DYRK4: variants seen among roughly 807,000 people sequenced by gnomAD.
The protein encoded by DYRK4 is dual specificity tyrosine phosphorylation regulated kinase 4.
Under a neutral mutation model 68.3 loss-of-function variants are expected in DYRK4, and 64 were observed. That is an observed-to-expected ratio of 0.94 (90% CI 0.77 to 1.15). The LOEUF is 1.15. Ranked by LOEUF, DYRK4 falls within the 50% of genes most tolerant of loss-of-function variation. The pLI is 0.00. For missense variants in DYRK4, 740 were observed against 764.7 expected, an observed-to-expected ratio of 0.97 and a Z score of 0.38; for synonymous variants, 274 against 289.9, an observed-to-expected ratio of 0.95 and a Z score of 0.56.
At chr12:4,605,477 C>A (rs926644561) in intron 11 of DYRK4, among the ~76,000 whole-genome samples, 1 of 151,904 alleles carries the variant, frequency 6.6e-6, no homozygotes, top group Non-Finnish European at 1.5e-5. Flanking sequence ...TTCTTTTTTC[C>A]CTTTTGTTTC....
intron 10 of DYRK4, among the ~76,000 whole-genome samples, chr12:4,600,567 G>C (rs1397727272): frequency 6.7e-6 from 1 of 149,230 alleles, no homozygotes; most frequent in Non-Finnish European, 1.5e-5. Context: ...GGCTGAAGAC[G>C]GGACTACTAG....
chr12:4,570,997 C>T (rs1278449567), intron 2 of DYRK4, among the ~76,000 whole-genome samples: 1 of 152,154 alleles, frequency 6.6e-6, no homozygotes, highest in African/African-American at 2.4e-5. Flanking sequence ...TCGTAACTGC[C>T]GGCAGGGGAA....
At position 4,576,660 on chromosome 12, in the gene DYRK4, C is replaced by T. The variant is rs1944792587; in HGVS notation, c.132+8612C>T. 2.0e-5 allele frequency among the ~76,000 whole-genome samples: 3 copies of T among 152,236 alleles called. No homozygotes were observed. In the South Asian group the frequency reaches 6.2e-4, roughly 31 times the overall value. ...ATGAATAAGAATTCTTGTTATGCCA[C>T]CTCCTTGCCAGCATTTGGTGTTGTC... On this transcript the variant is annotated intron_variant, in intron 2 of 14. Transcript: ENST00000543431.
chr12:4,613,849 C>A lies in DYRK4; in HGVS notation c.*96C>A. 1 of 1,350,038 alleles carries A rather than the reference C, an allele frequency of 7.4e-7. No individual in the cohort carries two copies. Among genetic ancestry groups the A allele is most frequent in the Non-Finnish European group, 9.7e-7 (1 of 1,035,960 alleles). The allele number at this position is 1,350,038 out of a possible 1,614,324, so 83.6% of individuals were successfully genotyped here. Reference sequence around the variant, plus strand: ...TACTTCAGACTGTTTTTTTTAAATACATAAAACTTTATGTTAAAAAACTCT... The same window carrying A: ...TACTTCAGACTGTTTTTTTTAAATAAATAAAACTTTATGTTAAAAAACTCT... On this transcript the variant is annotated 3_prime_UTR_variant, in exon 15 of 15. Transcript: ENST00000543431. The surrounding 1 kb of genome is among the most constrained non-coding windows in gnomAD (Gnocchi z 4.0).
In DYRK4 at chr12:4,568,034, T is replaced by C; in HGVS notation, c.118T>C (p.Phe40Leu). 1 of 1,536,126 alleles carries C rather than the reference T, an allele frequency of 6.5e-7. No homozygotes were observed. Among genetic ancestry groups the C allele is most frequent in the Non-Finnish European group, 8.7e-7 (1 of 1,146,892 alleles). Residue 40 changes from phenylalanine (F) to leucine (L), a missense_variant, in exon 2 of 15, where the codon TTC becomes CTC. Around this residue, in one of 3 missense-constraint regions of DYRK4, gnomAD observed 70 missense variants for 71.1 expected, o/e 0.98. Coordinates refer to ENST00000543431, the MANE Select transcript of DYRK4 (RefSeq NM_001394779.1). The stretch of plus-strand genomic sequence containing the variant: ...TTTGAAAGCAAGAAAGAAACAAAAG[T>C]TCACCTCTGCGAAGGTAAAGATCCT... ...LVLKARKKQK[F>L]TSAKVGSKLS...
chr12:4,580,797 ATTT>A, intron 2 of DYRK4: 2 of 423,570 alleles, frequency 4.7e-6, no homozygotes, highest in Admixed American at 2.6e-5. Context: ...GCACTTAGGG[ATTT>A]TTTTTTTTTT....
intron 1 of DYRK4, among the ~76,000 whole-genome samples, chr12:4,567,572 G>A (rs1360803638): frequency 6.6e-6 from 1 of 152,170 alleles, no homozygotes; most frequent in Non-Finnish European, 1.5e-5. Flanking sequence ...TCTACCAATT[G>A]TTCCCCTTTT....
intron 13 of DYRK4, 87 bp from the exon 14 acceptor site, chr12:4,612,456 T>TA (rs1297788680): frequency 2.2e-6 from 3 of 1,391,020 alleles, no homozygotes; most frequent in Non-Finnish European, 2.9e-6. Context: ...ATAGCTTAAA[T>TA]AAAAATCTTT....
intron 8 of DYRK4, among the ~76,000 whole-genome samples, chr12:4,597,420 T>C (rs1333219700): frequency 1.3e-5 from 2 of 152,236 alleles, no homozygotes; most frequent in Admixed American, 6.5e-5. Flanking sequence ...TTGCTGACGA[T>C]GAAATTCTAG....
At chr12:4,585,845 TAAAG>T (rs1457338847) in intron 2 of DYRK4, among the ~76,000 whole-genome samples, 1 of 152,220 alleles carries the variant, frequency 6.6e-6, no homozygotes, top group East Asian at 1.9e-4. Context: ...GTTTGGAAGA[TAAAG>T]AAACTTCATA....
intron 4 of DYRK4, chr12:4,590,812 C>T: frequency 2.4e-6 from 1 of 409,548 alleles, no homozygotes. Flanking sequence ...GTCACACACA[C>T]ATAAGTCCAT....
chr12:4,595,526 T>G (rs1945007408), intron 6 of DYRK4, among the ~76,000 whole-genome samples: 1 of 152,160 alleles, frequency 6.6e-6, no homozygotes, highest in Non-Finnish European at 1.5e-5. Flanking sequence ...GAGACATGGG[T>G]GATTCTGGCT....
chr12:4,612,579 C>A lies in DYRK4; in HGVS notation c.1527C>A (p.Ala509=), dbSNP rs1352485061. The A allele has an allele frequency of 6.2e-7, 1 of 1,614,080 alleles. No individual in the cohort carries two copies. Among genetic ancestry groups the A allele is most frequent in the African/African-American group, 1.3e-5 (1 of 74,938 alleles). The part of the protein sequence containing the change: ...EPSLRMTPDQ[A]LKHAWIHQSR... ...CTCTTCGCATGACCCCGGACCAGGC[C>A]CTCAAGCATGCTTGGATTCATCAGT... Residue 509 remains alanine, a synonymous_variant, in exon 14 of 15, where the codon GCC becomes GCA. Coordinates refer to ENST00000543431, the MANE Select transcript of DYRK4 (RefSeq NM_001394779.1).
intron 12 of DYRK4, among the ~76,000 whole-genome samples, chr12:4,608,919 A>C (rs1007859472): frequency 5.9e-5 from 9 of 152,226 alleles, no homozygotes; most frequent in Non-Finnish European, 1.3e-4. Flanking sequence ...CACATGGAGC[A>C]CGCGAACTGG....
chr12:4,593,029 T>G lies in DYRK4; in HGVS notation c.491T>G (p.Leu164Arg). 1 of 1,614,160 alleles carries G rather than the reference T, an allele frequency of 6.2e-7. No homozygotes were observed. The highest frequency in any genetic ancestry group is 1.7e-5 in the Admixed American group (1 of 60,022). ...GCCCTAAAGCTTTTTAAGAACCAGC[T>G]GTCTCCATATGAACAAAGTGAAATC... ...AEALKLFKNQLSPYEQSEILG... is the reference protein window; with the variant it reads ...AEALKLFKNQRSPYEQSEILG... The change falls in exon 6 of 15, where the codon CTG (leucine) becomes CGG (arginine). Residue 164 changes from leucine to arginine, a missense_variant. Coordinates refer to ENST00000543431, the MANE Select transcript of DYRK4 (RefSeq NM_001394779.1).
At chr12:4,587,659 G>T (rs1165376984) in intron 2 of DYRK4, among the ~76,000 whole-genome samples, 1 of 152,174 alleles carries the variant, frequency 6.6e-6, no homozygotes, top group Non-Finnish European at 1.5e-5. Context: ...AATTAACGTG[G>T]TCTGAGACCA....
At chr12:4,600,431 A>C (rs1945068481) in intron 10 of DYRK4, among the ~76,000 whole-genome samples, 1 of 151,724 alleles carries the variant, frequency 6.6e-6, no homozygotes, top group South Asian at 2.1e-4. Context: ...TAAGAGACAG[A>C]AAGATAAAAA....
intron 11 of DYRK4, among the ~76,000 whole-genome samples, chr12:4,605,778 A>C (rs952676017): frequency 3.1e-5 from 4 of 129,082 alleles, no homozygotes; most frequent in African/African-American, 2.9e-5. Flanking sequence ...CTATACCCAT[A>C]GGTGAATAAT....
At chr12:4,586,543 G>A (rs1394232943) in intron 2 of DYRK4, among the ~76,000 whole-genome samples, 1 of 152,172 alleles carries the variant, frequency 6.6e-6, no homozygotes, top group African/African-American at 2.4e-5. Context: ...GGCACTGTGT[G>A]CCTCTTGGGG....
Sources: allele counts gnomAD v4.1 joint callset (sites outside exome capture counted in the v4.1 genomes callset), GRCh38; gene constraint gnomAD v4.1.1; regional missense constraint gnomAD v4.1.1; non-coding constraint Gnocchi (gnomAD v3.1); transcripts MANE v1.5; gene names NCBI Gene and HGNC (gene_info 2026-07-23, HGNC 2026-07-21).